PCDHGA1: variants seen among roughly 807,000 people sequenced by gnomAD.
PCDHGA1 encodes protocadherin gamma subfamily A, 1.
A neutral mutation model predicts 58.0 loss-of-function variants in PCDHGA1; 32 were observed. The observed-to-expected ratio is 0.55, with a 90% CI of 0.42 to 0.74. PCDHGA1 has a LOEUF of 0.74. PCDHGA1 is among the 30% of genes least tolerant of loss of function. The pLI, the probability that PCDHGA1 is intolerant of heterozygous loss-of-function variation, is 0.00. For synonymous variants in PCDHGA1, 498 were observed against 501.1 expected (o/e 0.99, Z 0.08); for missense variants, 1,205 against 1,182.3 (o/e 1.02, Z -0.28).
At chr5:141,338,323 A>T (rs1756740960) in intron 1 of PCDHGA1, among the ~76,000 whole-genome samples, 1 of 152,242 alleles carries the variant, frequency 6.6e-6, no homozygotes, top group African/African-American at 2.4e-5. Context: ...CAATAATTTA[A>T]AGGCAGATTT....
chr5:141,334,795 C>A lies in PCDHGA1; in HGVS notation c.2421+1690C>A, dbSNP rs1332670501. On this transcript the variant is annotated intron_variant, in intron 1 of 3. Transcript: ENST00000517417. This position sits in a 1 kb window ranked among gnomAD's most constrained non-coding sequence, Gnocchi z 4.6. Reference sequence around the variant, plus strand: ...GCATCATTAAAGCGTCATTAAGAGACCTAGTTATGGCCTGGGACCTGAGGT... The same window carrying A: ...GCATCATTAAAGCGTCATTAAGAGAACTAGTTATGGCCTGGGACCTGAGGT... 6.6e-6 allele frequency among the ~76,000 whole-genome samples: 1 copy of A among 152,030 alleles called. No individual in the cohort carries two copies. The highest frequency in any genetic ancestry group is 1.5e-5 in the Non-Finnish European group (1 of 67,996).
At chr5:141,394,096 G>C in intron 1 of PCDHGA1, 1 of 1,613,822 alleles carries the variant, frequency 6.2e-7, no homozygotes, top group African/African-American at 1.3e-5. Context: ...TCAGATCTAG[G>C]AACACCACCT....
At chr5:141,414,811 C>T in intron 1 of PCDHGA1, 3 of 1,614,254 alleles carry the variant, frequency 1.9e-6, no homozygotes, top group Non-Finnish European at 2.5e-6. Context: ...GGATCCTCCA[C>T]TCAGCAGCAA....
chr5:141,491,071 C>T lies in PCDHGA1; in HGVS notation c.2422-3736C>T, dbSNP rs987564933. 1 of 1,614,152 alleles carries T rather than the reference C, an allele frequency of 6.2e-7. No individual in the cohort carries two copies. Among genetic ancestry groups the T allele is most frequent in the Non-Finnish European group, 8.5e-7 (1 of 1,180,028 alleles). ...TGCGTGGCTCTCCTACTCACTGTTGCCACAGTCCACAGCCCCAGGACTGTT... is the reference window on the plus strand; with the variant it reads ...TGCGTGGCTCTCCTACTCACTGTTGTCACAGTCCACAGCCCCAGGACTGTT... On this transcript the variant is annotated intron_variant, in intron 1 of 3. Transcript: ENST00000517417. This position sits in a 1 kb window ranked among gnomAD's most constrained non-coding sequence, Gnocchi z 6.9.
chr5:141,419,393 G>T (rs1226844501), intron 1 of PCDHGA1: 2 of 1,613,620 alleles, frequency 1.2e-6, no homozygotes, highest in Non-Finnish European at 1.7e-6. Context: ...CGCGCAGAGC[G>T]GGGTGGTGTT....
At chr5:141,404,806 G>T (rs774487660) in intron 1 of PCDHGA1, 2 of 1,613,992 alleles carry the variant, frequency 1.2e-6, no homozygotes, top group South Asian at 1.1e-5. Context: ...GGCTCTTCTC[G>T]GTGGGGCTGC....
chr5:141,365,656 A>G (rs923075599), intron 1 of PCDHGA1: 1 of 1,613,518 alleles, frequency 6.2e-7, no homozygotes, highest in Admixed American at 1.7e-5. Flanking sequence ...CCTTGAAAGT[A>G]GCAGACGTTA....
intron 1 of PCDHGA1, chr5:141,372,329 T>G (rs374029933): frequency 2.5e-6 from 4 of 1,613,738 alleles, no homozygotes; most frequent in Non-Finnish European, 2.5e-6. Context: ...TGCTGGTCAC[T>G]GTGCGTGATG....
intron 1 of PCDHGA1, chr5:141,345,293 T>G (rs1162429257): frequency 6.2e-7 from 1 of 1,613,926 alleles, no homozygotes; most frequent in Non-Finnish European, 8.5e-7. Context: ...AATATAACAT[T>G]AGTCTGAGAG....
At position 141,487,550 on chromosome 5, in the gene PCDHGA1, G is replaced by A. The variant is rs762537798; in HGVS notation, c.2422-7257G>A. 1 of 1,614,160 alleles carries A rather than the reference G, an allele frequency of 6.2e-7. No individual in the cohort carries two copies. The highest frequency in any genetic ancestry group is 1.1e-5 in the South Asian group (1 of 91,082). ...CTTCATGATGGTGAAGTCACCCAGT[G>A]CACCTATGGCAGGGGAGCCTGTTCG... On this transcript the variant is annotated intron_variant, in intron 1 of 3. Transcript: ENST00000517417. The surrounding 1 kb of genome is among the most constrained non-coding windows in gnomAD (Gnocchi z 5.0).
In PCDHGA1 at chr5:141,389,786, C is replaced by T. The variant is rs368188508; in HGVS notation, c.2421+56681C>T. 6.2e-6 allele frequency: 10 copies of T among 1,613,252 alleles called. No homozygotes were observed. The African/African-American group carries it at 1.1e-4, about 17-fold the overall frequency. The stretch of plus-strand genomic sequence containing the variant: ...CAGCGCGTGCCTTAGGCGACAGGGA[C>T]GCCGTCCGCCAGCGCCTTCTGGTCG... On this transcript the variant is annotated intron_variant, in intron 1 of 3. Transcript: ENST00000517417.
Position 141,403,041 on chromosome 5 carries a change from A to G in PCDHGA1, c.2421+69936A>G, listed in dbSNP as rs202099773. Reference sequence around the variant, plus strand: ...ATGCTATGGGAGGCCAGGGCCAGTCAGATTCGCTACTCAGTGCCTGAAGAG... The same window carrying G: ...ATGCTATGGGAGGCCAGGGCCAGTCGGATTCGCTACTCAGTGCCTGAAGAG... On this transcript the variant is annotated intron_variant, in intron 1 of 3. Transcript: ENST00000517417. 7.2e-5 allele frequency: 116 copies of G among 1,613,966 alleles called. No homozygotes were observed. Among genetic ancestry groups the G allele is most frequent in the Non-Finnish European group, 9.6e-5 (113 of 1,179,918 alleles).
intron 1 of PCDHGA1, among the ~76,000 whole-genome samples, chr5:141,484,795 C>T (rs1265916821): frequency 6.6e-6 from 1 of 151,784 alleles, no homozygotes; most frequent in African/African-American, 2.4e-5. Context: ...AGATAACAAC[C>T]CGTGGAAAAA....
chr5:141,432,427 C>G lies in PCDHGA1; in HGVS notation c.2422-62380C>G. 5 of 1,614,242 alleles carry G rather than the reference C, an allele frequency of 3.1e-6. No homozygotes were observed. The highest frequency in any genetic ancestry group is 4.2e-6 in the Non-Finnish European group (5 of 1,180,036). On this transcript the variant is annotated intron_variant, in intron 1 of 3. Transcript: ENST00000517417. The surrounding 1 kb of genome is among the most constrained non-coding windows in gnomAD (Gnocchi z 6.0). ...TGAGCCTGTTCGTGCTGGACCAGAA[C>G]GACAATGCGCCCGAGATCCTGTACC... is the stretch of plus-strand genomic sequence containing the variant.
chr5:141,463,510 G>A (rs1031854898), intron 1 of PCDHGA1, among the ~76,000 whole-genome samples: 4 of 143,710 alleles, frequency 2.8e-5, no homozygotes, highest in Non-Finnish European at 4.5e-5. Context: ...GTGACGTGGC[G>A]TGATCTCGGC....
chr5:141,487,656 C>G lies in PCDHGA1; in HGVS notation c.2422-7151C>G. ...GCTCAACAAATGCTTGAGGGTTATT[C>G]TGATCCAGGCATATGGCTAGGCCAT... On this transcript the variant is annotated intron_variant, in intron 1 of 3. Coordinates refer to ENST00000517417, the MANE Select transcript of PCDHGA1 (RefSeq NM_018912.3). The surrounding 1 kb of genome is among the most constrained non-coding windows in gnomAD (Gnocchi z 5.0). 6.2e-7 allele frequency: 1 copy of G among 1,613,658 alleles called. No individual in the cohort carries two copies. Among genetic ancestry groups the G allele is most frequent in the Non-Finnish European group, 8.5e-7 (1 of 1,179,794 alleles).
At chr5:141,351,190 A>T in intron 1 of PCDHGA1, 1 of 1,614,060 alleles carries the variant, frequency 6.2e-7, no homozygotes, top group South Asian at 1.1e-5. Context: ...AGACAAGTAG[A>T]TATGTGTTGA....
chr5:141,427,440 G>T (rs747459662), intron 1 of PCDHGA1: 3 of 477,366 alleles, frequency 6.3e-6, no homozygotes, highest in South Asian at 3.1e-5. Flanking sequence ...CCTCATAAAC[G>T]AAAGAGTTCC....
Position 141,489,714 on chromosome 5 carries a change from G to C in PCDHGA1, c.2422-5093G>C, listed in dbSNP as rs770143357. On this transcript the variant is annotated intron_variant, in intron 1 of 3. Coordinates refer to ENST00000517417, the MANE Select transcript of PCDHGA1 (RefSeq NM_018912.3). The surrounding 1 kb of genome is among the most constrained non-coding windows in gnomAD (Gnocchi z 4.5). Reference sequence around the variant, plus strand: ...CACGATTCCCACTGGACAGTGCCCAGGATCCGGATGTGGGCACCAATACTG... The same window carrying C: ...CACGATTCCCACTGGACAGTGCCCACGATCCGGATGTGGGCACCAATACTG... 7.4e-6 allele frequency: 12 copies of C among 1,613,958 alleles called. No individual in the cohort carries two copies. The highest frequency in any genetic ancestry group is 1.0e-5 in the Non-Finnish European group (12 of 1,179,930).
Sources: gnomAD v4.1 joint callset for allele counts (sites outside exome capture counted in the v4.1 genomes callset) on GRCh38, gnomAD v4.1.1 for gene constraint, Gnocchi (gnomAD v3.1) non-coding constraint, MANE v1.5 for transcripts, NCBI Gene and HGNC (gene_info 2026-07-23, HGNC 2026-07-21) for gene names.